Variants in SPMAP2L observed in about 807,000 individuals in gnomAD.
SPMAP2L encodes sperm microtubule associated protein 2 like.
chr4:56,623,338 C>T, the SPMAP2L span, among the ~76,000 whole-genome samples: 22 of 152,180 alleles, frequency 1.4e-4, 1 homozygote, highest in Admixed American at 1.4e-3. Context: ...AATGCCCCAC[C>T]TCTTGGATTC....
the SPMAP2L span, chr4:56,531,310 C>G: frequency 4.9e-6 from 6 of 1,233,214 alleles, no homozygotes; most frequent in Non-Finnish European, 6.5e-6. Context: ...TTGAAAAGAA[C>G]TCGTGTCATT....
At chr4:56,611,421 G>A in the SPMAP2L span, among the ~76,000 whole-genome samples, 2 of 152,068 alleles carry the variant, frequency 1.3e-5, no homozygotes, top group Non-Finnish European at 2.9e-5. Flanking sequence ...TTGGGAACTT[G>A]GGGGGAAAGT....
the SPMAP2L span, chr4:56,603,177 T>C: frequency 6.9e-7 from 1 of 1,448,388 alleles, no homozygotes; most frequent in African/African-American, 1.4e-5. Context: ...GTTCATCTTA[T>C]TTCAGGTTGA....
At chr4:56,602,921 GT>G in the SPMAP2L span, among the ~76,000 whole-genome samples, 5 of 152,132 alleles carry the variant, frequency 3.3e-5, no homozygotes, top group Non-Finnish European at 7.3e-5. Flanking sequence ...ACTCAGGTCT[GT>G]CTGATTCCAA....
the SPMAP2L span, among the ~76,000 whole-genome samples, chr4:56,581,361 A>G: frequency 3.9e-5 from 6 of 152,052 alleles, no homozygotes; most frequent in Admixed American, 6.6e-5. Context: ...AGGCTGAGGC[A>G]GGAGAATTGC....
chr4:56,552,482 A>G, the SPMAP2L span: 1 of 744,402 alleles, frequency 1.3e-6, no homozygotes, highest in Non-Finnish European at 2.2e-6. Context: ...TCCTATGAGC[A>G]GGAGTCATCT....
chr4:56,531,196 TCTC>T, the SPMAP2L span: 1 of 1,498,602 alleles, frequency 6.7e-7, no homozygotes. Flanking sequence ...CCTCGTCCCC[TCTC>T]CTGCTTCTCC....
chr4:56,578,084 T>C, the SPMAP2L span, among the ~76,000 whole-genome samples: 9 of 152,232 alleles, frequency 5.9e-5, no homozygotes, highest in African/African-American at 2.2e-4. Flanking sequence ...TAGTACATTA[T>C]AATTACATTA....
chr4:56,552,707 G>A, the SPMAP2L span: 3 of 732,024 alleles, frequency 4.1e-6, no homozygotes. Flanking sequence ...TACTTAACTA[G>A]ATCCTCTGAA....
the SPMAP2L span, among the ~76,000 whole-genome samples, chr4:56,553,448 C>T: frequency 2.0e-5 from 3 of 151,108 alleles, no homozygotes; most frequent in African/African-American, 4.9e-5. Context: ...CCATCTTGGC[C>T]TCCCAAAGTG....
chr4:56,584,645 A>C, the SPMAP2L span: 79 of 1,392,760 alleles, frequency 5.7e-5, no homozygotes, highest in Non-Finnish European at 6.5e-5. Flanking sequence ...ACAGTTCCTG[A>C]TTGACTTGTA....
At chr4:56,572,366 G>C in the SPMAP2L span, among the ~76,000 whole-genome samples, 2 of 152,188 alleles carry the variant, frequency 1.3e-5, no homozygotes, top group African/African-American at 4.8e-5. Context: ...TTGTTGTATA[G>C]GTGGTTCATT....
chr4:56,606,784 T>C, the SPMAP2L span, among the ~76,000 whole-genome samples: 2 of 152,200 alleles, frequency 1.3e-5, no homozygotes, highest in East Asian at 3.8e-4. Flanking sequence ...AAAGGGAAGC[T>C]ATTGAAGTAA....
chr4:56,570,941 C>T, the SPMAP2L span, among the ~76,000 whole-genome samples: 1 of 151,826 alleles, frequency 6.6e-6, no homozygotes, highest in Non-Finnish European at 1.5e-5. Flanking sequence ...GTAGCTGGGA[C>T]TATAGGCATG....
the SPMAP2L span, among the ~76,000 whole-genome samples, chr4:56,569,933 AT>A: frequency 3.9e-5 from 6 of 152,300 alleles, no homozygotes; most frequent in African/African-American, 1.4e-4. Context: ...TACCATTTGT[AT>A]TTCATGACCC....
chr4:56,552,581 C>T, the SPMAP2L span: 1 of 1,527,780 alleles, frequency 6.5e-7, no homozygotes. Flanking sequence ...CCAAATCTTT[C>T]AAAGCCTAAA....
At chr4:56,548,031 T>G in the SPMAP2L span, among the ~76,000 whole-genome samples, 8 of 152,204 alleles carry the variant, frequency 5.3e-5, no homozygotes, top group Admixed American at 3.9e-4. Context: ...GACTAAGACA[T>G]GTAAACATTA....
chr4:56,568,236 C>T, the SPMAP2L span, among the ~76,000 whole-genome samples: 2 of 152,072 alleles, frequency 1.3e-5, no homozygotes, highest in African/African-American at 4.8e-5. Context: ...TTTTAATGTT[C>T]TTGCCTACTA....
At chr4:56,562,340 G>A in the SPMAP2L span, among the ~76,000 whole-genome samples, 1 of 151,312 alleles carries the variant, frequency 6.6e-6, no homozygotes, top group East Asian at 1.9e-4. Context: ...ATGCACATAT[G>A]TATCTTTTGC....
Sources: allele counts gnomAD v4.1 joint callset (sites outside exome capture counted in the v4.1 genomes callset), GRCh38; gene constraint gnomAD v4.1.1; transcripts MANE v1.5; gene names NCBI Gene and HGNC (gene_info 2026-07-23, HGNC 2026-07-21).